Variants in PDSS2 observed in about 807,000 individuals in gnomAD.
PDSS2 encodes all trans-polyprenyl-diphosphate synthase PDSS2.
A neutral mutation model predicts 44.5 loss-of-function variants in PDSS2; 31 were observed. The observed-to-expected ratio is 0.70, with a 90% CI of 0.52 to 0.94. PDSS2 has a LOEUF of 0.94. Ranked by LOEUF, PDSS2 falls within the 40% of genes least tolerant of loss-of-function variation. The pLI, the probability that PDSS2 is intolerant of heterozygous loss-of-function variation, is 0.00. For missense variants in PDSS2, 452 were observed against 482.2 expected, an observed-to-expected ratio of 0.94 and a Z score of 0.59; for synonymous variants, 157 against 180.3, an observed-to-expected ratio of 0.87 and a Z score of 1.03.
intron 2 of PDSS2, among the ~76,000 whole-genome samples, chr6:107,316,323 G>A (rs1451419657): frequency 1.3e-5 from 2 of 152,126 alleles, no homozygotes; most frequent in Non-Finnish European, 2.9e-5. Flanking sequence ...TCTAGTATGT[G>A]TGTCTACTCT....
At chr6:107,438,090 G>C (rs1239539959) in intron 1 of PDSS2, among the ~76,000 whole-genome samples, 1 of 152,172 alleles carries the variant, frequency 6.6e-6, no homozygotes, top group Admixed American at 6.5e-5. Context: ...CAGGCAGCAA[G>C]GTGGATATGG....
chr6:107,355,119 G>A (rs1195778500), intron 1 of PDSS2, among the ~76,000 whole-genome samples: 1 of 152,032 alleles, frequency 6.6e-6, no homozygotes, highest in Non-Finnish European at 1.5e-5. Flanking sequence ...TTTTAGTAGA[G>A]ACAGGGTTTC....
At chr6:107,189,274 C>T (rs113329697) in intron 7 of PDSS2, among the ~76,000 whole-genome samples, 18 of 152,270 alleles carry the variant, frequency 1.2e-4, no homozygotes, top group African/African-American at 3.9e-4. Context: ...TCTCGAACTC[C>T]TGAGCTCAAG....
chr6:107,315,355 G>T (rs1777167897), intron 2 of PDSS2, among the ~76,000 whole-genome samples: 1 of 152,210 alleles, frequency 6.6e-6, no homozygotes, highest in South Asian at 2.1e-4. Flanking sequence ...TTACTGGCAG[G>T]ATAAACATTT....
chr6:107,309,302 C>T (rs1179135545), intron 2 of PDSS2, among the ~76,000 whole-genome samples: 1 of 152,102 alleles, frequency 6.6e-6, no homozygotes, highest in Non-Finnish European at 1.5e-5. Flanking sequence ...TCAGAGTGGC[C>T]GTAACAGAGT....
At chr6:107,276,492 A>G (rs963039320) in intron 2 of PDSS2, among the ~76,000 whole-genome samples, 1 of 152,212 alleles carries the variant, frequency 6.6e-6, no homozygotes, top group African/African-American at 2.4e-5. Context: ...ATGGAGCCAC[A>G]TCCATATCGA....
intron 2 of PDSS2, among the ~76,000 whole-genome samples, chr6:107,328,962 A>G (rs1777632471): frequency 6.6e-6 from 1 of 152,158 alleles, no homozygotes. Context: ...GGCTCAGCCA[A>G]TTTTTAACTG....
chr6:107,162,610 A>ATTTTTTTTTCTTTCT (rs1554246877), intron 7 of PDSS2, among the ~76,000 whole-genome samples: 1 of 115,552 alleles, frequency 8.7e-6, no homozygotes, highest in African/African-American at 3.5e-5. Context: ...GAATTCCCTA[A>ATTTTTTTTTCTTTCT]TTTTTTTTTT....
intron 3 of PDSS2, among the ~76,000 whole-genome samples, chr6:107,247,208 T>C (rs1479781867): frequency 1.3e-5 from 2 of 152,154 alleles, no homozygotes; most frequent in Non-Finnish European, 2.9e-5. Flanking sequence ...CACTAAGAAA[T>C]GTTATGGTTT....
chr6:107,421,781 T>C (rs1469860206), intron 1 of PDSS2, among the ~76,000 whole-genome samples: 3 of 147,906 alleles, frequency 2.0e-5, no homozygotes, highest in African/African-American at 7.5e-5. Flanking sequence ...GTTACAAAAA[T>C]CTATATACGT....
chr6:107,154,648 T>C lies in PDSS2; in HGVS notation c.1171A>G (p.Ile391Val). Reference sequence around the variant, plus strand: ...GAAAATCTGGTCACAGCAAACACAATGTTTTCTAAAGCAGATCTGGCCTCC... The same window carrying C: ...GAAAATCTGGTCACAGCAAACACAACGTTTTCTAAAGCAGATCTGGCCTCC... ...PSEARSALEN[I>V]VFAVTRFS The change falls in exon 8 of 8, where the codon ATT becomes GTT. Residue 391 changes from isoleucine to valine, a missense_variant. Coordinates refer to ENST00000369037, the MANE Select transcript of PDSS2 (RefSeq NM_020381.4). 1 of 1,614,198 alleles carries C rather than the reference T, an allele frequency of 6.2e-7. No individual in the cohort carries two copies. The highest frequency in any genetic ancestry group is 8.5e-7 in the Non-Finnish European group (1 of 1,180,020).
At chr6:107,165,059 TA>T (rs1195974750) in intron 7 of PDSS2, among the ~76,000 whole-genome samples, 1 of 152,234 alleles carries the variant, frequency 6.6e-6, no homozygotes, top group Admixed American at 6.5e-5. Context: ...AGATTCTGGA[TA>T]TTAGCCCTTT....
At chr6:107,166,208 T>A (rs1342317348) in intron 7 of PDSS2, among the ~76,000 whole-genome samples, 46 of 152,096 alleles carry the variant, frequency 3.0e-4, no homozygotes, top group Non-Finnish European at 7.3e-5. Flanking sequence ...CTATGTTGAA[T>A]AGGAGTGGTG....
chr6:107,245,379 G>T (rs1466044040), intron 4 of PDSS2, among the ~76,000 whole-genome samples, 169 bp downstream of exon 4: 1 of 114,894 alleles, frequency 8.7e-6, no homozygotes, highest in East Asian at 3.1e-4. Context: ...CTGCTATGTA[G>T]TAAGCGTATG....
intron 7 of PDSS2, among the ~76,000 whole-genome samples, chr6:107,181,542 A>G (rs1190164291): frequency 6.9e-6 from 1 of 143,910 alleles, no homozygotes; most frequent in Non-Finnish European, 1.5e-5. Context: ...TCAAAAAAAA[A>G]AGAAAAGAAA....
intron 1 of PDSS2, among the ~76,000 whole-genome samples, chr6:107,415,111 A>G (rs1258141690): frequency 1.3e-5 from 2 of 152,146 alleles, no homozygotes; most frequent in Non-Finnish European, 2.9e-5. Context: ...AGGAATCTCC[A>G]ATGGAAGTAA....
chr6:107,263,854 CTAA>C (rs1043284218), intron 3 of PDSS2, among the ~76,000 whole-genome samples: 1 of 152,140 alleles, frequency 6.6e-6, no homozygotes, highest in African/African-American at 2.4e-5. Flanking sequence ...TTTGACTTTT[CTAA>C]TTAATTGATA....
At chr6:107,301,083 C>A (rs1388244382) in intron 2 of PDSS2, among the ~76,000 whole-genome samples, 2 of 152,088 alleles carry the variant, frequency 1.3e-5, no homozygotes, top group Non-Finnish European at 2.9e-5. Context: ...CACATTAAGT[C>A]CACATTACAA....
chr6:107,243,427 T>C (rs1431913015), intron 4 of PDSS2, among the ~76,000 whole-genome samples: 1 of 152,236 alleles, frequency 6.6e-6, no homozygotes, highest in Non-Finnish European at 1.5e-5. Context: ...CAATTATTAA[T>C]GAACTGAGCT....
Sources: allele counts gnomAD v4.1 joint callset (sites outside exome capture counted in the v4.1 genomes callset), GRCh38; gene constraint gnomAD v4.1.1; transcripts MANE v1.5; gene names NCBI Gene and HGNC (gene_info 2026-07-23, HGNC 2026-07-21).